Variants in ACACA observed in about 807,000 individuals in gnomAD.
The protein encoded by ACACA is acetyl-CoA carboxylase alpha.
Under a neutral mutation model 296.1 loss-of-function variants are expected in ACACA, and 103 were observed. The observed-to-expected ratio is 0.35, with a 90% CI of 0.30 to 0.41. ACACA has a LOEUF of 0.41. ACACA is among the 10% of genes least tolerant of loss of function. ACACA has a pLI of 1.00. For missense variants in ACACA, 1,554 were observed against 2,989.7 expected (o/e 0.52, Z 11.20); for synonymous variants, 953 against 1,038.6 (o/e 0.92, Z 1.58).
chr17:37,280,778 C>A (rs1369624909), intron 5 of ACACA, among the ~76,000 whole-genome samples: 1 of 147,212 alleles, frequency 6.8e-6, no homozygotes, highest in Non-Finnish European at 1.5e-5. Context: ...AAAACACATT[C>A]ATTTAAAATG....
Position 37,390,304 on chromosome 17 carries a change from TTATATA to T in ACACA, c.38+15952_38+15957del, listed in dbSNP as rs1189193698. On this transcript the variant is annotated intron_variant, in intron 1 of 55. Transcript: ENST00000616317. ...ATATATAATTATATATTATACATAA[TTATATA>T]TATATATATATATATATATATATAA... 6.0e-3 allele frequency among the ~76,000 whole-genome samples: 107 copies of T among 17,976 alleles called. 7 individuals carry two copies. Among genetic ancestry groups the T allele is most frequent in the East Asian group, 0.038 (9 of 234 alleles). The allele number at this position is 17,976 out of a possible 152,430, so 11.8% of individuals were successfully genotyped here.
At chr17:37,404,720 G>T (rs550026567) in intron 1 of ACACA, among the ~76,000 whole-genome samples, 1 of 151,686 alleles carries the variant, frequency 6.6e-6, no homozygotes, top group South Asian at 2.1e-4. Flanking sequence ...GATTACAGGC[G>T]CCCGTCACAA....
chr17:37,391,639 A>C, intron 1 of ACACA: 1 of 1,612,938 alleles, frequency 6.2e-7, no homozygotes, highest in South Asian at 1.1e-5. Flanking sequence ...TTTCCTTTCA[A>C]TCTCTAGGTT....
intron 1 of ACACA, chr17:37,389,308 G>T: frequency 6.3e-7 from 1 of 1,599,048 alleles, no homozygotes; most frequent in East Asian, 2.3e-5. Context: ...GGCAAAAGAA[G>T]GGAGGCCAGC....
At chr17:37,202,680 T>TG (rs1365484220) in intron 33 of ACACA, among the ~76,000 whole-genome samples, 1 of 15,668 alleles carries the variant, frequency 6.4e-5, no homozygotes, top group Non-Finnish European at 1.1e-4. Flanking sequence ...TATATATATA[T>TG]ATATATATAT....
intron 10 of ACACA, among the ~76,000 whole-genome samples, chr17:37,268,444 T>C (rs942489164): frequency 2.0e-5 from 3 of 152,106 alleles, no homozygotes; most frequent in Admixed American, 2.0e-4. Context: ...CTTTCTCCCA[T>C]GATGTAGTCA....
At chr17:37,138,057 T>C (rs1332637978) in intron 45 of ACACA, among the ~76,000 whole-genome samples, 1 of 152,190 alleles carries the variant, frequency 6.6e-6, no homozygotes, top group Non-Finnish European at 1.5e-5. Flanking sequence ...ACTGAGACAT[T>C]ATTAAAATTA....
chr17:37,299,830 A>G (rs925694284), intron 3 of ACACA: 55 of 988,104 alleles, frequency 5.6e-5, no homozygotes, highest in Non-Finnish European at 6.1e-5. Flanking sequence ...AATTAAGCCA[A>G]GAAAATAATG....
intron 2 of ACACA, among the ~76,000 whole-genome samples, chr17:37,337,776 G>A (rs1206136967): frequency 2.0e-5 from 3 of 151,052 alleles, no homozygotes; most frequent in East Asian, 4.0e-4. Context: ...AAGTGAACTG[G>A]AGATTACTTT....
rs772309390 is a variant in ACACA, at chr17:37,243,404, G to A, written c.2898C>T (p.Ile966=). The change falls in exon 22 of 56, where the codon ATC becomes ATT. Residue 966 remains isoleucine, a synonymous_variant. Transcript: ENST00000616317. ...TGGGAAACTGACAGAGGACTGATGT[G>A]ATGTTGCTAGCATACTGAGCCATTT... ...KKEMAQYASN[I]TSVLCQFPSQ... The A allele has an allele frequency of 5.3e-5, 85 of 1,614,020 alleles. No individual in the cohort carries two copies. Among genetic ancestry groups the A allele is most frequent in the Non-Finnish European group, 7.0e-5 (83 of 1,180,010 alleles).
At chr17:37,305,907 T>G (rs939733435) in intron 3 of ACACA, among the ~76,000 whole-genome samples, 132 of 116,432 alleles carry the variant, frequency 1.1e-3, no homozygotes, top group Middle Eastern at 9.3e-3. Context: ...TTTTTTTGTT[T>G]TTTTTTTTTT....
chr17:37,376,309 A>G (rs2050000373), intron 1 of ACACA, among the ~76,000 whole-genome samples: 1 of 152,212 alleles, frequency 6.6e-6, no homozygotes, highest in Non-Finnish European at 1.5e-5. Flanking sequence ...AAGGACTGCA[A>G]CTTATTCATT....
chr17:37,232,250 A>G (rs192000045), intron 25 of ACACA, among the ~76,000 whole-genome samples: 250 of 152,310 alleles, frequency 1.6e-3, no homozygotes, highest in African/African-American at 5.8e-3. Flanking sequence ...TAGCTCAGCA[A>G]AGCATACTAT....
chr17:37,395,303 G>A (rs552501440), intron 1 of ACACA, among the ~76,000 whole-genome samples: 23 of 151,226 alleles, frequency 1.5e-4, no homozygotes, highest in Admixed American at 7.2e-4. Flanking sequence ...GGTGGCAGGC[G>A]CCTGTAATCC....
At chr17:37,317,863 TG>T (rs2047168231) in intron 3 of ACACA, among the ~76,000 whole-genome samples, 1 of 152,072 alleles carries the variant, frequency 6.6e-6, no homozygotes, top group Non-Finnish European at 1.5e-5. Flanking sequence ...GTTTTCTGAA[TG>T]GAAAGAAGGG....
At chr17:37,189,911 A>C (rs867878167) in intron 38 of ACACA, among the ~76,000 whole-genome samples, 10 of 152,054 alleles carry the variant, frequency 6.6e-5, no homozygotes, top group Admixed American at 3.9e-4. Context: ...ATGATGACTC[A>C]TGCCTGTAAT....
intron 40 of ACACA, among the ~76,000 whole-genome samples, chr17:37,179,676 A>T (rs939140310): frequency 6.6e-6 from 1 of 152,204 alleles, no homozygotes; most frequent in Non-Finnish European, 1.5e-5. Context: ...GAAAGACCTA[A>T]CACTATCCTA....
At chr17:37,213,152 TACACACACAC>T (rs140736366) in intron 29 of ACACA, among the ~76,000 whole-genome samples, 1 of 148,766 alleles carries the variant, frequency 6.7e-6, no homozygotes, top group African/African-American at 2.5e-5. Flanking sequence ...AATCCATCTT[TACACACACAC>T]ACACACACAT....
At chr17:37,120,254 A>G (rs2074463063) in intron 50 of ACACA, among the ~76,000 whole-genome samples, 1 of 149,790 alleles carries the variant, frequency 6.7e-6, no homozygotes, top group South Asian at 2.1e-4. Flanking sequence ...TCCTTCCCCT[A>G]ACCTATCCTA....
Sources: allele counts gnomAD v4.1 joint callset (sites outside exome capture counted in the v4.1 genomes callset), GRCh38; gene constraint gnomAD v4.1.1; transcripts MANE v1.5; gene names NCBI Gene and HGNC (gene_info 2026-07-23, HGNC 2026-07-21).